The following CCDC171 variants were observed in gnomAD, a reference collection of about 807,000 sequenced individuals.
The protein encoded by CCDC171 is coiled-coil domain containing 171, also known as coiled-coil domain-containing protein 171.
In CCDC171, 177 loss-of-function variants were observed where a neutral mutation model predicts 168.2. The observed-to-expected ratio is 1.05, with a 90% CI of 0.93 to 1.19. CCDC171 has a LOEUF of 1.19. Among genes scored for constraint, CCDC171 ranks in the 50% most tolerant of loss-of-function variants. The pLI, the probability that CCDC171 is intolerant of heterozygous loss-of-function variation, is 0.00. For missense variants in CCDC171, 1,991 were observed against 1,539.0 expected (o/e 1.29, Z -4.91); for synonymous variants, 687 against 540.8 (o/e 1.27, Z -3.75).
At chr9:15,988,359 G>A (rs2094521) in intron 3 of CCDC171, among the ~76,000 whole-genome samples, 7,132 of 152,176 alleles carry the variant, frequency 0.047, 563 homozygotes, top group African/African-American at 0.16. Context: ...TATGCTGCAC[G>A]ACTTTTTAAA....
chr9:15,591,358 C>T lies in CCDC171; in HGVS notation c.353-8C>T. The T allele has an allele frequency of 3.2e-6, 5 of 1,559,742 alleles. No homozygotes were observed. Among genetic ancestry groups the T allele is most frequent in the Non-Finnish European group, 3.5e-6 (4 of 1,146,916 alleles). ...TTGTAAATGTACCTATTATTCTATT[C>T]TTAATAGCACAGAATTCAGAACTTC... On this transcript the variant is annotated splice_region_variant and splice_polypyrimidine_tract_variant and intron_variant, in intron 4 of 25. Coordinates refer to ENST00000380701, the MANE Select transcript of CCDC171 (RefSeq NM_173550.4).
chr9:16,057,897 G>A (rs921920758), intron 1 of CCDC171, among the ~76,000 whole-genome samples: 8 of 152,210 alleles, frequency 5.3e-5, no homozygotes, highest in African/African-American at 1.9e-4. Context: ...TTGTCTGGGT[G>A]GCCCTGAGTG....
At chr9:15,607,938 A>G (rs972316960) in intron 6 of CCDC171, among the ~76,000 whole-genome samples, 1 of 152,170 alleles carries the variant, frequency 6.6e-6, no homozygotes, top group African/African-American at 2.4e-5. Flanking sequence ...TATAAAGAAA[A>G]AGAATTTATT....
chr9:16,103,654 G>A, the CCDC171 span, among the ~76,000 whole-genome samples: 7 of 152,256 alleles, frequency 4.6e-5, no homozygotes, highest in African/African-American at 1.4e-4. Flanking sequence ...GGGCTCCTGC[G>A]CTGCTGCCGG....
At chr9:15,940,505 T>C (rs529830761) in intron 25 of CCDC171, among the ~76,000 whole-genome samples, 2 of 152,044 alleles carry the variant, frequency 1.3e-5, no homozygotes, top group East Asian at 3.9e-4. Flanking sequence ...AAGTCAAACT[T>C]GCAGACCAAA....
At chr9:15,829,725 G>A (rs1263449827) in intron 21 of CCDC171, among the ~76,000 whole-genome samples, 1 of 152,124 alleles carries the variant, frequency 6.6e-6, no homozygotes, top group African/African-American at 2.4e-5. Flanking sequence ...TTAAAGACCA[G>A]CCTGGACAAC....
At chr9:15,868,498 T>TGTGAGAGA in intron 23 of CCDC171, among the ~76,000 whole-genome samples, 1 of 149,026 alleles carries the variant, frequency 6.7e-6, no homozygotes, top group South Asian at 2.1e-4. Flanking sequence ...TGTGTGTGTG[T>TGTGAGAGA]GAGAGAGAGA....
chr9:15,555,053 A>G (rs2038675795), intron 1 of CCDC171, among the ~76,000 whole-genome samples: 1 of 152,176 alleles, frequency 6.6e-6, no homozygotes, highest in Non-Finnish European at 1.5e-5. Flanking sequence ...AAGGACTCAG[A>G]TGTAAGGTAG....
intron 7 of CCDC171, among the ~76,000 whole-genome samples, chr9:15,648,862 A>G (rs2047266154): frequency 6.6e-6 from 1 of 152,180 alleles, no homozygotes; most frequent in African/African-American, 2.4e-5. Flanking sequence ...CCATCAAGCT[A>G]CCAATGACTT....
At chr9:15,714,446 G>A (rs1405913335) in intron 11 of CCDC171, among the ~76,000 whole-genome samples, 1 of 152,092 alleles carries the variant, frequency 6.6e-6, no homozygotes, top group Non-Finnish European at 1.5e-5. Flanking sequence ...CTAGAGAGAG[G>A]CCTCAGCTAA....
intron 9 of CCDC171, among the ~76,000 whole-genome samples, chr9:15,672,842 T>C (rs1341268342): frequency 1.3e-5 from 2 of 152,230 alleles, no homozygotes; most frequent in African/African-American, 2.4e-5. Flanking sequence ...ATGTGGGCTC[T>C]TTTTTGGTTC....
At chr9:15,587,840 A>T (rs2041683496) in intron 4 of CCDC171, 1 of 251,356 alleles carries the variant, frequency 4.0e-6, no homozygotes, top group Admixed American at 4.6e-5. Context: ...CTCTGCAGGG[A>T]GAACATTTAA....
chr9:15,905,982 G>C (rs1258574835), intron 24 of CCDC171, among the ~76,000 whole-genome samples: 1 of 152,172 alleles, frequency 6.6e-6, no homozygotes, highest in Non-Finnish European at 1.5e-5. Flanking sequence ...GGAAGAAGCT[G>C]AATCTCTGAA....
At position 15,591,539 on chromosome 9, in the gene CCDC171, C is replaced by G. The variant is rs754707160; in HGVS notation, c.526C>G (p.Leu176Val). The G allele has an allele frequency of 6.4e-7, 1 of 1,558,866 alleles. No individual in the cohort carries two copies. Among genetic ancestry groups the G allele is most frequent in the Non-Finnish European group, 8.7e-7 (1 of 1,150,534 alleles). ...YDLLMKEKSRLEKTLQEALEK... is the reference protein window; with the variant it reads ...YDLLMKEKSRVEKTLQEALEK... ...TTTACTTATGAAAGAAAAAAGCAGA[C>G]TAGAGAAAACTCTACAGGTAAAATA... The change falls in exon 5 of 26, where the codon CTA becomes GTA. Residue 176 changes from leucine to valine, a missense_variant. By Grantham distance (32) the Leu-to-Val change is conservative. Transcript: ENST00000380701.
At chr9:15,865,242 C>T (rs958890929) in intron 23 of CCDC171, among the ~76,000 whole-genome samples, 5 of 151,992 alleles carry the variant, frequency 3.3e-5, no homozygotes, top group Non-Finnish European at 5.9e-5. Context: ...TGAAACACAA[C>T]ATTTATAATA....
chr9:15,769,302 A>G (rs889828401), intron 18 of CCDC171, among the ~76,000 whole-genome samples: 3 of 152,166 alleles, frequency 2.0e-5, no homozygotes, highest in Non-Finnish European at 1.5e-5. Flanking sequence ...TGACAGAGAG[A>G]GAGGGTCAAG....
At chr9:15,613,474 G>A (rs993968291) in intron 6 of CCDC171, among the ~76,000 whole-genome samples, 4 of 149,022 alleles carry the variant, frequency 2.7e-5, no homozygotes, top group Non-Finnish European at 6.0e-5. Flanking sequence ...ATACATTTAA[G>A]AAAGCTTAAT....
At chr9:15,898,890 A>G (rs1449102310) in intron 24 of CCDC171, among the ~76,000 whole-genome samples, 3 of 152,158 alleles carry the variant, frequency 2.0e-5, no homozygotes, top group South Asian at 2.1e-4. Flanking sequence ...GTATATTTGT[A>G]TAGACACTAC....
intron 6 of CCDC171, among the ~76,000 whole-genome samples, chr9:15,600,874 T>C (rs2042794022): frequency 6.6e-6 from 1 of 152,178 alleles, no homozygotes; most frequent in African/African-American, 2.4e-5. Context: ...ACCTTGCAGT[T>C]GGATTTCACA....
Sources: gnomAD v4.1 joint callset for allele counts (sites outside exome capture counted in the v4.1 genomes callset) on GRCh38, gnomAD v4.1.1 for gene constraint, MANE v1.5 for transcripts, NCBI Gene and HGNC (gene_info 2026-07-23, HGNC 2026-07-21) for gene names.